SH3PXD2A: variants seen among roughly 807,000 people sequenced by gnomAD.
SH3PXD2A encodes SH3 and PX domains 2A.
In SH3PXD2A, 32 loss-of-function variants were observed where a neutral mutation model predicts 115.2. The observed-to-expected ratio is 0.28, with a 90% confidence interval of 0.21 to 0.37. The LOEUF is 0.37. SH3PXD2A is among the 10% of genes least tolerant of loss of function. SH3PXD2A has a pLI of 1.00. For missense variants in SH3PXD2A, 1,328 were observed against 1,498.7 expected (o/e 0.89, Z 1.88); for synonymous variants, 610 against 629.1 (o/e 0.97, Z 0.45).
At chr10:103,677,115 G>A (rs1400890739) in intron 6 of SH3PXD2A, among the ~76,000 whole-genome samples, 2 of 152,204 alleles carry the variant, frequency 1.3e-5, no homozygotes, top group African/African-American at 4.8e-5. Flanking sequence ...AACGGACTCA[G>A]GACAGACATT....
At chr10:103,737,575 G>A (rs1212382310) in intron 3 of SH3PXD2A, among the ~76,000 whole-genome samples, 1 of 152,198 alleles carries the variant, frequency 6.6e-6, no homozygotes, top group Non-Finnish European at 1.5e-5. Context: ...GGCAACTAGA[G>A]CTCAATTCTG....
At chr10:103,718,441 G>A (rs894300513) in intron 5 of SH3PXD2A, among the ~76,000 whole-genome samples, 1 of 152,048 alleles carries the variant, frequency 6.6e-6, no homozygotes, top group Non-Finnish European at 1.5e-5. Context: ...AGCTTCTCTT[G>A]CCCACCCCTG....
chr10:103,710,088 C>A (rs1343982140), intron 5 of SH3PXD2A, among the ~76,000 whole-genome samples: 1 of 146,742 alleles, frequency 6.8e-6, no homozygotes. Context: ...GAGCAAGACT[C>A]CATCTCAAAA....
At chr10:103,731,426 G>A (rs2038318818) in intron 4 of SH3PXD2A, among the ~76,000 whole-genome samples, 1 of 152,198 alleles carries the variant, frequency 6.6e-6, no homozygotes, top group Non-Finnish European at 1.5e-5. Flanking sequence ...CTCCCAAAGT[G>A]CTGGGATTAC....
chr10:103,668,715 G>A lies in SH3PXD2A; in HGVS notation c.428-63C>T. The A allele has an allele frequency of 2.1e-6, 3 of 1,453,836 alleles. No homozygotes were observed. The South Asian group carries it at 3.7e-5, about 18-fold the overall frequency. 90.1% of individuals were successfully genotyped at this position (1,453,836 alleles called of 1,614,324 possible). A position where few individuals can be genotyped will look rare whatever the true frequency, so the allele number is the denominator to read the frequency against. On this transcript the variant is annotated intron_variant, in intron 6 of 14. Transcript: ENST00000369774. ...AGAACCAGAGAGAGAGAACGGTTAG[G>A]CAGGCAGGAGGTCCACAGTGAGTGG...
intron 10 of SH3PXD2A, among the ~76,000 whole-genome samples, chr10:103,617,565 G>T (rs1431460919): frequency 6.6e-6 from 1 of 152,244 alleles, no homozygotes; most frequent in Non-Finnish European, 1.5e-5. Flanking sequence ...GTCAGGCAAG[G>T]CCCTGGGAGC....
intron 5 of SH3PXD2A, among the ~76,000 whole-genome samples, chr10:103,718,006 G>GT (rs750717117): frequency 4.9e-5 from 3 of 60,906 alleles, no homozygotes; most frequent in Non-Finnish European, 8.7e-5. Flanking sequence ...GCTTCCATGT[G>GT]TCTTTTTTTT....
At chr10:103,657,103 TA>T (rs966514579) in intron 8 of SH3PXD2A, among the ~76,000 whole-genome samples, 8 of 151,638 alleles carry the variant, frequency 5.3e-5, no homozygotes, top group Non-Finnish European at 1.2e-4. Flanking sequence ...TTCTCACTTG[TA>T]AAAAAAATGA....
At chr10:103,692,498 A>G (rs2037767893) in intron 6 of SH3PXD2A, among the ~76,000 whole-genome samples, 1 of 152,196 alleles carries the variant, frequency 6.6e-6, no homozygotes, top group Admixed American at 6.5e-5. Flanking sequence ...GGGGCAGGGA[A>G]GAAGGTCTGT....
rs1351249656 is a variant in SH3PXD2A at position 103,597,421 on chromosome 10, C to G, written c.*4395G>C. Reference sequence around the variant, plus strand: ...AGGGCTGCTGGGAGTCATTTTTAGGCCAGGTCTCTCTGAGCAGCTGGCTGC... The same window carrying G: ...AGGGCTGCTGGGAGTCATTTTTAGGGCAGGTCTCTCTGAGCAGCTGGCTGC... On this transcript the variant is annotated 3_prime_UTR_variant, in exon 15 of 15. Coordinates refer to ENST00000369774, the MANE Select transcript of SH3PXD2A (RefSeq NM_001394015.1). 6.6e-6 allele frequency: 1 copy of G among 152,270 alleles called. No homozygotes were observed. The highest frequency in any genetic ancestry group is 1.5e-5 in the Non-Finnish European group (1 of 68,102). The allele number at this position is 152,270 out of a possible 1,614,324, so 9.4% of individuals were successfully genotyped here.
intron 14 of SH3PXD2A, among the ~76,000 whole-genome samples, chr10:103,604,365 T>C (rs1254543838): frequency 6.6e-6 from 1 of 152,246 alleles, no homozygotes; most frequent in African/African-American, 2.4e-5. Context: ...TCCCACTAGC[T>C]GAAGAGATTT....
In SH3PXD2A at chr10:103,746,351, G is replaced by A. The variant is rs2038502600; in HGVS notation, c.230-10543C>T. Among the ~76,000 whole-genome samples the A allele has an allele frequency of 6.6e-6, 1 of 152,108 alleles. No homozygotes were observed. Among genetic ancestry groups the A allele is most frequent in the Non-Finnish European group, 1.5e-5 (1 of 68,022 alleles). ...TATTTATTTATTGAGACAGGGTCTT[G>A]CTCTGTTGCCCAGCCTGGAGTGCAG... On this transcript the variant is annotated intron_variant, in intron 3 of 14. Coordinates refer to ENST00000369774, the MANE Select transcript of SH3PXD2A (RefSeq NM_001394015.1). The surrounding 1 kb of genome is among the most constrained non-coding windows in gnomAD (Gnocchi z 4.4).
chr10:103,739,078 A>C (rs2038414229), intron 3 of SH3PXD2A, among the ~76,000 whole-genome samples: 1 of 152,194 alleles, frequency 6.6e-6, no homozygotes, highest in Admixed American at 6.5e-5. Context: ...ACTCATTTTA[A>C]AAACTAGTTA....
intron 1 of SH3PXD2A, among the ~76,000 whole-genome samples, chr10:103,809,677 C>A (rs2039246848): frequency 6.8e-6 from 1 of 146,490 alleles, no homozygotes; most frequent in Non-Finnish European, 1.5e-5. Context: ...CTCCCTCCCT[C>A]CCTCCCTCCC....
At chr10:103,726,051 A>G (rs903752533) in intron 4 of SH3PXD2A, among the ~76,000 whole-genome samples, 2 of 152,108 alleles carry the variant, frequency 1.3e-5, no homozygotes, top group African/African-American at 4.8e-5. Context: ...GGGGCAAGGA[A>G]GGATCCCCTG....
chr10:103,622,117 C>T (rs2036615026), intron 10 of SH3PXD2A, among the ~76,000 whole-genome samples: 1 of 152,204 alleles, frequency 6.6e-6, no homozygotes, highest in Non-Finnish European at 1.5e-5. Flanking sequence ...GAGGGCTAGA[C>T]ACGCTTAGCT....
At chr10:103,855,046 T>A (rs1842927943) in intron 1 of SH3PXD2A, 149 bp downstream of exon 1, 9 of 479,300 alleles carry the variant, frequency 1.9e-5, no homozygotes, top group Non-Finnish European at 2.2e-5. Flanking sequence ...TCCCTGGAGA[T>A]CACAGCCCTG....
At chr10:103,825,641 C>G (rs543661801) in intron 1 of SH3PXD2A, among the ~76,000 whole-genome samples, 1 of 152,294 alleles carries the variant, frequency 6.6e-6, no homozygotes, top group East Asian at 1.9e-4. Context: ...AGAGACAGAG[C>G]ATAGAGTCCT....
chr10:103,842,585 A>C (rs1418219349), intron 1 of SH3PXD2A, among the ~76,000 whole-genome samples: 2 of 151,862 alleles, frequency 1.3e-5, no homozygotes, highest in Non-Finnish European at 2.9e-5. Context: ...TCTACTCTTC[A>C]CTACCTCTGT....
Sources: gnomAD v4.1 joint callset for allele counts (sites outside exome capture counted in the v4.1 genomes callset) on GRCh38, gnomAD v4.1.1 for gene constraint, Gnocchi (gnomAD v3.1) non-coding constraint, MANE v1.5 for transcripts, NCBI Gene and HGNC (gene_info 2026-07-23, HGNC 2026-07-21) for gene names.